The following NOTCH1 variants were observed in gnomAD, a reference collection of about 807,000 sequenced individuals.
NOTCH1 encodes neurogenic locus notch homolog protein 1.
Under a neutral mutation model 254.8 loss-of-function variants are expected in NOTCH1, and 37 were observed. That is an observed-to-expected ratio of 0.15 (90% CI 0.11 to 0.19). NOTCH1 has a LOEUF of 0.19. NOTCH1 is among the 10% of genes least tolerant of loss of function. NOTCH1 has a pLI of 1.00. For synonymous variants in NOTCH1, 1,731 were observed against 1,618.1 expected (o/e 1.07, Z -1.68); for missense variants, 2,972 against 3,708.6 (o/e 0.80, Z 5.16).
intron 2 of NOTCH1, among the ~76,000 whole-genome samples, chr9:136,528,271 G>T (rs1843500248): frequency 6.9e-6 from 1 of 144,090 alleles, no homozygotes; most frequent in African/African-American, 2.6e-5. Context: ...CCCAGCTGGG[G>T]TGTCAGTGAT....
At chr9:136,522,794 C>T in intron 4 of NOTCH1, 56 bp downstream of exon 4, 3 of 1,430,392 alleles carry the variant, frequency 2.1e-6, no homozygotes, top group Non-Finnish European at 2.8e-6. Flanking sequence ...GTTCCCACCC[C>T]CTGGGCCTGG....
chr9:136,534,455 G>A (rs943985986), intron 2 of NOTCH1, among the ~76,000 whole-genome samples: 3 of 152,180 alleles, frequency 2.0e-5, no homozygotes, highest in Non-Finnish European at 4.4e-5. Context: ...CTCAGTGCCA[G>A]GCGGAGCAGA....
rs1842896433 is a variant in NOTCH1 at position 136,495,114 on chromosome 9, T to G, written c.*957A>C. 7.5e-6 allele frequency: 3 copies of G among 399,080 alleles called. No individual in the cohort carries two copies. The highest frequency in any genetic ancestry group is 1.3e-5 in the Non-Finnish European group (3 of 226,074). The allele number at this position is 399,080 out of a possible 1,614,324, so 24.7% of individuals were successfully genotyped here. A position where few individuals can be genotyped will look rare whatever the true frequency, so the allele number is the denominator to read the frequency against. ...ATCTTCTTCGGAACCTGGGGGACAC[T>G]GTGCAGGCTGAGGTGCTGGGGCCGC... On this transcript the variant is annotated 3_prime_UTR_variant, in exon 34 of 34. Coordinates refer to ENST00000651671, the MANE Select transcript of NOTCH1 (RefSeq NM_017617.5).
rs2133347751 is a variant in NOTCH1 at position 136,508,383 on chromosome 9, G to C, written c.3174C>G (p.Asn1058Lys). ...PQGYTGPNCQ[N>K]LVHWCDSSPC... ...GCGAGGAGTCACACCAGTGCACAAG[G>C]TTCTGGGGACAGATTGGGGTCAGCT... The change falls in exon 20 of 34, where the codon AAC becomes AAG. Residue 1058 changes from asparagine (N) to lysine (K), a missense_variant and splice_region_variant. Physicochemically the swap from Asn to Lys is moderately conservative, Grantham distance 94. Coordinates refer to ENST00000651671, the MANE Select transcript of NOTCH1 (RefSeq NM_017617.5). 2 of 1,613,244 alleles carry C rather than the reference G, an allele frequency of 1.2e-6. No homozygotes were observed. The highest frequency in any genetic ancestry group is 1.7e-6 in the Non-Finnish European group (2 of 1,180,002).
chr9:136,500,909 AG>A, intron 30 of NOTCH1, 62 bp from the exon 31 acceptor site: 1 of 1,504,428 alleles, frequency 6.6e-7, no homozygotes. Flanking sequence ...GCCCAGGGGG[AG>A]GGGGGCAGCA....
Position 136,517,170 on chromosome 9 carries a change from G to A in NOTCH1, c.1555+102C>T, listed in dbSNP as rs10781498. 0.39 allele frequency: 281,367 copies of A among 720,946 alleles called. 61,801 individuals carry two copies. The highest frequency in any genetic ancestry group is 0.86 in the East Asian group (31,010 of 36,040). The allele number at this position is 720,946 out of a possible 1,614,324, so 44.7% of individuals were successfully genotyped here. A position where few individuals can be genotyped will look rare whatever the true frequency, so the allele number is the denominator to read the frequency against. ...GGCCCTCACCCCTCAGGAGGCCGGGGTGCAGATGGCCCGGGGGCAGGGGAC... is the reference window on the plus strand; with the variant it reads ...GGCCCTCACCCCTCAGGAGGCCGGGATGCAGATGGCCCGGGGGCAGGGGAC... On this transcript the variant is annotated intron_variant, in intron 9 of 33. Transcript: ENST00000651671.
At chr9:136,518,538 C>G (rs2133370354) in intron 6 of NOTCH1, 53 bp downstream of exon 6, 1 of 1,520,458 alleles carries the variant, frequency 6.6e-7, no homozygotes, top group Non-Finnish European at 9.0e-7. Context: ...TCACACAGCT[C>G]AGGCCTGGCC....
At chr9:136,509,554 A>C (rs1843144555) in intron 18 of NOTCH1, among the ~76,000 whole-genome samples, 179 bp downstream of exon 18, 1 of 152,240 alleles carries the variant, frequency 6.6e-6, no homozygotes, top group Non-Finnish European at 1.5e-5. Context: ...GGAGGAGGTC[A>C]CAATGGCCCT....
chr9:136,500,291 G>T (rs540958449), intron 31 of NOTCH1, among the ~76,000 whole-genome samples: 1 of 152,344 alleles, frequency 6.6e-6, no homozygotes, highest in African/African-American at 2.4e-5. Context: ...TGGGGGTGGG[G>T]AGGTGCTGCC....
intron 2 of NOTCH1, among the ~76,000 whole-genome samples, chr9:136,526,921 A>G (rs1193386574): frequency 6.6e-6 from 1 of 152,166 alleles, no homozygotes; most frequent in Non-Finnish European, 1.5e-5. Context: ...CCGTGGGGGA[A>G]TGCAGGCTGA....
In NOTCH1 at chr9:136,523,986, G is replaced by A. The variant is rs769990829; in HGVS notation, c.141-7C>T. 3 of 1,548,808 alleles carry A rather than the reference G, an allele frequency of 1.9e-6. No homozygotes were observed. Among genetic ancestry groups the A allele is most frequent in the South Asian group, 1.2e-5 (1 of 84,460 alleles). On this transcript the variant is annotated splice_polypyrimidine_tract_variant and splice_region_variant and intron_variant, in intron 2 of 33. Transcript: ENST00000651671. ...CACGAAGGCCCCGCCACAGCTGTTG[G>A]CAGATGTGCCAGGGCAGTTAGTTCC...
In NOTCH1 at chr9:136,496,531, T is replaced by G; in HGVS notation, c.7208A>C (p.Gln2403Pro). 1 of 1,607,062 alleles carries G rather than the reference T, an allele frequency of 6.2e-7. No homozygotes were observed. Among genetic ancestry groups the G allele is most frequent in the Non-Finnish European group, 8.5e-7 (1 of 1,179,940 alleles). ...TGGCGGCTGCAGGCTTTGCTGCTGC[T>G]GGATGTTTGCTGGCTGCAGGTTCTG... ...QQQNLQPANI[Q>P]QQQSLQPPPP... Residue 2403 changes from glutamine (Q) to proline (P), a missense_variant, in exon 34 of 34, where the codon CAG (glutamine) becomes CCG (proline). Coordinates refer to ENST00000651671, the MANE Select transcript of NOTCH1 (RefSeq NM_017617.5).
chr9:136,517,127 A>T, intron 9 of NOTCH1, 145 bp downstream of exon 9: 3 of 533,500 alleles, frequency 5.6e-6, no homozygotes, highest in Non-Finnish European at 9.9e-6. Context: ...GGACGGCCCG[A>T]GGGCAGGGGG....
chr9:136,542,081 T>G (rs1004474112), intron 2 of NOTCH1, among the ~76,000 whole-genome samples: 2 of 152,198 alleles, frequency 1.3e-5, no homozygotes. Flanking sequence ...CACCAGTGTT[T>G]TGCGGCCCTG....
chr9:136,545,613 T>C lies in NOTCH1; in HGVS notation c.61+113A>G, dbSNP rs1428633418. ...GCCCCGGGCCGCCCGCTTTTCCCTC[T>C]CCATGCTGGCCTCCCCGCCGCCCGC... On this transcript the variant is annotated intron_variant, in intron 1 of 33. Transcript: ENST00000651671. The surrounding 1 kb of genome is among the most constrained non-coding windows in gnomAD (Gnocchi z 6.8). The C allele has an allele frequency of 4.8e-6, 4 of 827,196 alleles. No individual in the cohort carries two copies. Among genetic ancestry groups the C allele is most frequent in the East Asian group, 3.9e-5 (1 of 25,672 alleles). 51.2% of individuals were successfully genotyped at this position (827,196 alleles called of 1,614,324 possible).
At position 136,497,065 on chromosome 9, in the gene NOTCH1, T is replaced by C. The variant is rs767393831; in HGVS notation, c.6674A>G (p.Gln2225Arg). Residue 2225 changes from glutamine (Q) to arginine (R), a missense_variant, in exon 34 of 34, where the codon CAG (glutamine) becomes CGG (arginine). Physicochemically the swap from Gln to Arg is conservative, Grantham distance 43. This residue lies in a region of NOTCH1 where 529 missense variants were observed against 529.2 expected (regional missense o/e 1.00). Coordinates refer to ENST00000651671, the MANE Select transcript of NOTCH1 (RefSeq NM_017617.5). Reference sequence around the variant, plus strand: ...GTGGTTGAGGGGCACGGACGGAGACTGCTGGAACGGGGAGGGCAGCAGTGG... The same window carrying C: ...GTGGTTGAGGGGCACGGACGGAGACCGCTGGAACGGGGAGGGCAGCAGTGG... Reference protein sequence around the residue: ...SPPLLPSPFQQSPSVPLNHLP... With the variant: ...SPPLLPSPFQRSPSVPLNHLP... The C allele has an allele frequency of 5.6e-6, 9 of 1,609,710 alleles. No homozygotes were observed. The highest frequency in any genetic ancestry group is 7.6e-6 in the Non-Finnish European group (9 of 1,178,070).
chr9:136,522,531 G>T, intron 4 of NOTCH1: 1 of 373,512 alleles, frequency 2.7e-6, no homozygotes. Context: ...CACTGCAGGG[G>T]AAACCCTGGG....
rs757373430 is a variant in NOTCH1, at chr9:136,517,381, G to A, written c.1446C>T (p.Tyr482=). ...TGTTGACCTCGCAGTGCACACCCTC[G>A]TAGCCTGTGGGGTGGGGCAACAGTG... ...GEFQCICMPG[Y]EGVHCEVNTD... Residue 482 remains tyrosine (Y), a synonymous_variant, in exon 9 of 34, where the codon TAC becomes TAT. Transcript: ENST00000651671. The A allele has an allele frequency of 2.0e-5, 32 of 1,591,730 alleles. 1 individual carries two copies. Among genetic ancestry groups the A allele is most frequent in the South Asian group, 1.5e-4 (13 of 88,256 alleles).
chr9:136,546,009 C>T lies in NOTCH1; in HGVS notation c.-223G>A, dbSNP rs1182391338. ...TCGCGCCCGCGCCCGCGCCCCGCGC[C>T]CCGCGCCCTTGCGCTCCCTCCCGCG... On this transcript the variant is annotated 5_prime_UTR_variant, in exon 1 of 34. Coordinates refer to ENST00000651671, the MANE Select transcript of NOTCH1 (RefSeq NM_017617.5). Among the ~76,000 whole-genome samples, 1 of 148,694 alleles carries T rather than the reference C, an allele frequency of 6.7e-6. No individual in the cohort carries two copies. Among genetic ancestry groups the T allele is most frequent in the Non-Finnish European group, 1.5e-5 (1 of 66,848 alleles).
Sources: gnomAD v4.1 joint callset for allele counts (sites outside exome capture counted in the v4.1 genomes callset) on GRCh38, gnomAD v4.1.1 for gene constraint, gnomAD v4.1.1 regional missense constraint, Gnocchi (gnomAD v3.1) non-coding constraint, MANE v1.5 for transcripts, NCBI Gene and HGNC (gene_info 2026-07-23, HGNC 2026-07-21) for gene names.